Variants in SCML4 observed in about 807,000 individuals in gnomAD.
SCML4 encodes the protein sex comb on midleg-like protein 4.
In SCML4, 34 loss-of-function variants were observed where a neutral mutation model predicts 41.1. That is an observed-to-expected ratio of 0.83 (90% confidence interval 0.63 to 1.10). SCML4 has a LOEUF of 1.10. SCML4 is among the 50% of genes least tolerant of loss of function. SCML4 has a pLI of 0.00. For missense variants in SCML4, 522 were observed against 534.1 expected, an observed-to-expected ratio of 0.98 and a Z score of 0.22; for synonymous variants, 214 against 220.9, an observed-to-expected ratio of 0.97 and a Z score of 0.28.
the SCML4 span, among the ~76,000 whole-genome samples, chr6:107,843,820 C>A: frequency 6.6e-6 from 1 of 152,096 alleles, no homozygotes; most frequent in Non-Finnish European, 1.5e-5. Flanking sequence ...CTGGTGTTCA[C>A]AGAATTAGGG....
intron 2 of SCML4, among the ~76,000 whole-genome samples, chr6:107,759,705 G>A (rs1257675882): frequency 6.6e-6 from 1 of 152,068 alleles, no homozygotes; most frequent in African/African-American, 2.4e-5. Flanking sequence ...CAATAATACT[G>A]GCTTTGTCTC....
chr6:107,717,143 C>CAAAA (rs546258538), intron 6 of SCML4, among the ~76,000 whole-genome samples: 12 of 63,536 alleles, frequency 1.9e-4, no homozygotes, highest in African/African-American at 6.3e-4. Context: ...ACTAAAAATA[C>CAAAA]AAAAAAAAAA....
chr6:107,790,482 G>A (rs1301368805), intron 1 of SCML4, among the ~76,000 whole-genome samples: 1 of 151,970 alleles, frequency 6.6e-6, no homozygotes, highest in Non-Finnish European at 1.5e-5. Flanking sequence ...AGCAAACAGG[G>A]GCTTACCGGA....
chr6:107,703,102 G>T lies in SCML4; in HGVS notation c.*2098C>A, dbSNP rs183961894. On this transcript the variant is annotated 3_prime_UTR_variant, in exon 8 of 8. Transcript: ENST00000369020. ...AGTTACCCTATATGATCTAAAAGGG[G>T]GAGGCATGAATAATCCACCCCTTGT... 1.3e-5 allele frequency among the ~76,000 whole-genome samples: 2 copies of T among 152,282 alleles called. No individual in the cohort carries two copies. The highest frequency in any genetic ancestry group is 1.3e-4 in the Admixed American group (2 of 15,302).
At chr6:107,727,871 G>A (rs1430196906) in intron 5 of SCML4, among the ~76,000 whole-genome samples, 2 of 152,240 alleles carry the variant, frequency 1.3e-5, no homozygotes, top group Non-Finnish European at 2.9e-5. Context: ...CATAGTCTGG[G>A]ATACCAATCC....
chr6:107,814,440 T>C (rs916160478), intron 1 of SCML4, among the ~76,000 whole-genome samples: 3 of 152,250 alleles, frequency 2.0e-5, no homozygotes, highest in African/African-American at 7.2e-5. Flanking sequence ...TGGTGATGTT[T>C]CTGGGCTGCT....
intron 6 of SCML4, among the ~76,000 whole-genome samples, chr6:107,714,054 G>A (rs1774504009): frequency 6.6e-6 from 1 of 152,172 alleles, no homozygotes; most frequent in African/African-American, 2.4e-5. Context: ...TGGGATTATA[G>A]GCAAGCATCA....
the SCML4 span, among the ~76,000 whole-genome samples, chr6:107,844,200 AAAGGGAGACG>A: frequency 6.6e-4 from 101 of 152,244 alleles, 2 homozygotes; most frequent in Non-Finnish European, 1.6e-4. Context: ...TAAGGAAGAG[AAAGGGAGACG>A]ATGAGTCTGA....
intron 1 of SCML4, among the ~76,000 whole-genome samples, chr6:107,782,216 AG>A (rs1188672729): frequency 6.6e-6 from 1 of 152,254 alleles, no homozygotes; most frequent in Non-Finnish European, 1.5e-5. Context: ...CCGCAGAGGT[AG>A]GAAAAGTTTT....
At chr6:107,789,136 T>C (rs1782127388) in intron 1 of SCML4, among the ~76,000 whole-genome samples, 1 of 152,188 alleles carries the variant, frequency 6.6e-6, no homozygotes. Context: ...TCACAAGTAC[T>C]GCAAGACCAA....
Position 107,757,434 on chromosome 6 carries a change from G to T in SCML4, c.157-7621C>A, listed in dbSNP as rs376336933. Among the ~76,000 whole-genome samples the T allele has an allele frequency of 1.1e-4, 16 of 152,296 alleles. No homozygotes were observed. In the South Asian group the frequency reaches 3.3e-3, roughly 32 times the overall value. On this transcript the variant is annotated intron_variant, in intron 2 of 7. Transcript: ENST00000369020. ...AAGAGGTGGATAATCTGAGGATGGAGAGTGTGGCTGGGGAAGGATGAGGAT... is the reference window on the plus strand; with the variant it reads ...AAGAGGTGGATAATCTGAGGATGGATAGTGTGGCTGGGGAAGGATGAGGAT...
intron 6 of SCML4, among the ~76,000 whole-genome samples, chr6:107,711,712 A>G (rs1396467220): frequency 6.6e-6 from 1 of 152,184 alleles, no homozygotes; most frequent in Non-Finnish European, 1.5e-5. Flanking sequence ...TTCTATTTTA[A>G]GGCTAGAAAA....
chr6:107,709,457 G>A (rs563948800), intron 6 of SCML4, among the ~76,000 whole-genome samples: 63 of 152,296 alleles, frequency 4.1e-4, no homozygotes, highest in African/African-American at 1.4e-3. Flanking sequence ...CGCCAAGGGC[G>A]GGAGCCTCCC....
intron 1 of SCML4, among the ~76,000 whole-genome samples, chr6:107,799,142 T>TA (rs1046176928): frequency 3.3e-5 from 5 of 152,220 alleles, no homozygotes; most frequent in Non-Finnish European, 4.4e-5. Flanking sequence ...TTCTGTCAGT[T>TA]ACTAAAACTG....
chr6:107,797,443 C>T (rs367883279), intron 1 of SCML4, among the ~76,000 whole-genome samples: 3 of 151,926 alleles, frequency 2.0e-5, no homozygotes, highest in East Asian at 1.9e-4. Context: ...TGCTTTTACA[C>T]GGAAATACAA....
intron 2 of SCML4, among the ~76,000 whole-genome samples, chr6:107,754,175 C>T (rs1483187905): frequency 1.3e-5 from 2 of 152,188 alleles, no homozygotes; most frequent in Non-Finnish European, 2.9e-5. Context: ...GAATTTGAGG[C>T]TCTCAAGGGA....
At chr6:107,827,171 T>G (rs897284680), upstream of SCML4, among the ~76,000 whole-genome samples, 9 of 147,848 alleles carry the variant, frequency 6.1e-5, no homozygotes, top group African/African-American at 9.8e-5. Context: ...ATTCATTAAA[T>G]TATGTAATTT....
At chr6:107,796,051 G>A (rs1782686080) in intron 1 of SCML4, among the ~76,000 whole-genome samples, 1 of 152,088 alleles carries the variant, frequency 6.6e-6, no homozygotes, top group African/African-American at 2.4e-5. Context: ...ATGTGAATAT[G>A]CCACAATTTG....
At chr6:107,792,458 G>A (rs753915683) in intron 1 of SCML4, among the ~76,000 whole-genome samples, 5 of 152,166 alleles carry the variant, frequency 3.3e-5, no homozygotes, top group African/African-American at 1.2e-4. Context: ...GGGGCCGGGC[G>A]TTGTGGTTCA....
Sources: allele counts gnomAD v4.1 joint callset (sites outside exome capture counted in the v4.1 genomes callset), GRCh38; gene constraint gnomAD v4.1.1; transcripts MANE v1.5; gene names NCBI Gene and HGNC (gene_info 2026-07-23, HGNC 2026-07-21).